The following ASIC1 variants were observed in gnomAD, a reference collection of about 807,000 sequenced individuals.
The protein encoded by ASIC1 is acid sensing ion channel subunit 1, also known as acid-sensing ion channel 1.
ASIC1 carries 21 observed loss-of-function variants against 63.4 expected under a neutral mutation model. The ratio of observed to expected loss-of-function variants is 0.33; its 90% confidence interval spans 0.23 to 0.48. ASIC1 has a LOEUF of 0.48. ASIC1 is among the 20% of genes least tolerant of loss of function. The pLI is 0.99. For missense variants in ASIC1, 478 were observed against 695.5 expected (o/e 0.69, Z 3.52); for synonymous variants, 258 against 278.2 (o/e 0.93, Z 0.72).
chr12:50,078,152 C>G lies in ASIC1; in HGVS notation c.837+25C>G, dbSNP rs769617269. 6 of 1,604,908 alleles carry G rather than the reference C, an allele frequency of 3.7e-6. No individual in the cohort carries two copies. The South Asian group carries it at 6.7e-5, about 18-fold the overall frequency. On this transcript the variant is annotated intron_variant, in intron 5 of 11. Coordinates refer to ENST00000447966, the MANE Select transcript of ASIC1 (RefSeq NM_001095.4). The surrounding 1 kb of genome is among the most constrained non-coding windows in gnomAD (Gnocchi z 6.0). ...GGTGAGAGGGCCATGGGAGGCTGGT[C>G]CTGGGGTGGGGTATTGAGGGGTCCA...
intron 3 of ASIC1, among the ~76,000 whole-genome samples, chr12:50,067,679 G>A (rs540675745): frequency 4.9e-4 from 75 of 152,120 alleles, no homozygotes; most frequent in African/African-American, 1.6e-3. Flanking sequence ...TCGGCCTCCC[G>A]GAGTGCTGGG....
intron 3 of ASIC1, among the ~76,000 whole-genome samples, chr12:50,061,734 G>C (rs1950502738): frequency 6.6e-6 from 1 of 152,214 alleles, no homozygotes; most frequent in Non-Finnish European, 1.5e-5. Flanking sequence ...GTATTCAGTT[G>C]AGGCTCCATC....
intron 8 of ASIC1, 28 bp from the exon 9 acceptor site, chr12:50,080,470 T>G: frequency 6.2e-7 from 1 of 1,607,604 alleles, no homozygotes; most frequent in Non-Finnish European, 8.5e-7. Context: ...GACTTGAACC[T>G]AGGTCTCCTC....
intron 3 of ASIC1, among the ~76,000 whole-genome samples, chr12:50,060,256 C>T (rs1950489199): frequency 6.6e-6 from 1 of 152,222 alleles, no homozygotes; most frequent in South Asian, 2.1e-4. Flanking sequence ...CCAAGCTTAC[C>T]TTCTAGGCCA....
At chr12:50,073,516 T>A (rs1216727994) in intron 3 of ASIC1, 1 of 1,442,916 alleles carries the variant, frequency 6.9e-7, no homozygotes, top group East Asian at 2.5e-5. Context: ...TGGAGTCACA[T>A]CGCCTTCCCC....
rs1367315846 is a variant in ASIC1 at position 50,059,978 on chromosome 12, G to A, written c.558+24G>A. 6.2e-7 allele frequency: 1 copy of A among 1,609,826 alleles called. No homozygotes were observed. Among genetic ancestry groups the A allele is most frequent in the Non-Finnish European group, 8.5e-7 (1 of 1,177,596 alleles). On this transcript the variant is annotated intron_variant, in intron 3 of 11. Transcript: ENST00000447966. This position sits in a 1 kb window ranked among gnomAD's most constrained non-coding sequence, Gnocchi z 4.6. ...TGGTGAGTCCCCTCGTGTGGGGTGT[G>A]AGTCAGCCTGGCCCACAGAGGAGGA...
intron 3 of ASIC1, among the ~76,000 whole-genome samples, chr12:50,069,921 C>T (rs953945472): frequency 2.0e-5 from 3 of 152,108 alleles, no homozygotes; most frequent in African/African-American, 7.2e-5. Context: ...CTCCCTAAGA[C>T]TTGAATAGGC....
Position 50,059,930 on chromosome 12 carries a change from C to G in ASIC1, c.534C>G (p.Val178=). 1 of 1,614,064 alleles carries G rather than the reference C, an allele frequency of 6.2e-7. No homozygotes were observed. Among genetic ancestry groups the G allele is most frequent in the Non-Finnish European group, 8.5e-7 (1 of 1,180,002 alleles). The change falls in exon 3 of 12, where the codon GTC becomes GTG. Residue 178 remains valine, a synonymous_variant. Transcript: ENST00000447966. This position sits in a 1 kb window ranked among gnomAD's most constrained non-coding sequence, Gnocchi z 4.6. The part of the protein sequence containing the change: ...MLLSCHFRGE[V]CSAEDFKVVF... ...TCTCCTGCCACTTCCGGGGGGAGGTCTGCAGCGCTGAAGACTTCAAGGTGG... is the reference window on the plus strand; with the variant it reads ...TCTCCTGCCACTTCCGGGGGGAGGTGTGCAGCGCTGAAGACTTCAAGGTGG...
Position 50,074,209 on chromosome 12 carries a change from C to T in ASIC1, c.559-3004C>T. 6.6e-7 allele frequency: 1 copy of T among 1,515,344 alleles called. No individual in the cohort carries two copies. The highest frequency in any genetic ancestry group is 1.2e-5 in the South Asian group (1 of 81,778). 93.9% of individuals were successfully genotyped at this position (1,515,344 alleles called of 1,614,324 possible). A position where few individuals can be genotyped will look rare whatever the true frequency, so the allele number is the denominator to read the frequency against. ...GGACATGCTGCTCTATTGCTCCTAC[C>T]AAGGGGGACCCTGCGGCCCTCACAA... On this transcript the variant is annotated intron_variant, in intron 3 of 11. Coordinates refer to ENST00000447966, the MANE Select transcript of ASIC1 (RefSeq NM_001095.4). The surrounding 1 kb of genome is among the most constrained non-coding windows in gnomAD (Gnocchi z 4.2).
intron 3 of ASIC1, among the ~76,000 whole-genome samples, chr12:50,064,412 A>G (rs927859624): frequency 6.6e-6 from 1 of 151,982 alleles, no homozygotes; most frequent in Non-Finnish European, 1.5e-5. Context: ...AGGTAGCCCA[A>G]TTTCCTCTCT....
chr12:50,062,909 G>A (rs1238941985), intron 3 of ASIC1, among the ~76,000 whole-genome samples: 9 of 152,184 alleles, frequency 5.9e-5, no homozygotes, highest in African/African-American at 1.9e-4. Context: ...GAGGGTGGGG[G>A]TGAATATGGG....
intron 3 of ASIC1, among the ~76,000 whole-genome samples, chr12:50,073,040 G>A (rs1275279287): frequency 6.6e-6 from 1 of 152,146 alleles, no homozygotes; most frequent in Non-Finnish European, 1.5e-5. Context: ...CCAGAATTGG[G>A]ATGGGGACAC....
chr12:50,072,908 G>A (rs925220654), intron 3 of ASIC1, among the ~76,000 whole-genome samples: 1 of 152,170 alleles, frequency 6.6e-6, no homozygotes, highest in African/African-American at 2.4e-5. Context: ...CAGGGAGGGA[G>A]GGGAAGAGAA....
At chr12:50,070,055 T>A (rs1420591041) in intron 3 of ASIC1, among the ~76,000 whole-genome samples, 2 of 151,984 alleles carry the variant, frequency 1.3e-5, no homozygotes, top group Non-Finnish European at 2.9e-5. Context: ...TACACAGACA[T>A]GAGGGGTGGC....
In ASIC1 at chr12:50,082,669, TG is replaced by T. The variant is rs1204231777; in HGVS notation, c.*1021del. 1 of 152,820 alleles carries T rather than the reference TG, an allele frequency of 6.5e-6. No homozygotes were observed. The highest frequency in any genetic ancestry group is 1.5e-5 in the Non-Finnish European group (1 of 68,146). 9.5% of individuals were successfully genotyped at this position (152,820 alleles called of 1,614,324 possible). ...CTCCCACCCCAAGTTCCACCTTCTA[TG>T]TTTCTACTCCCTCCCTGGTCTCTGA... On this transcript the variant is annotated 3_prime_UTR_variant, in exon 12 of 12. Transcript: ENST00000447966.
Position 50,073,456 on chromosome 12 carries a change from C to T in ASIC1, c.559-3757C>T. 4 of 1,423,320 alleles carry T rather than the reference C, an allele frequency of 2.8e-6. No individual in the cohort carries two copies. In the South Asian group the frequency reaches 4.7e-5, roughly 17 times the overall value. The allele number at this position is 1,423,320 out of a possible 1,614,324, so 88.2% of individuals were successfully genotyped here. On this transcript the variant is annotated intron_variant, in intron 3 of 11. Transcript: ENST00000447966. ...TGGTGAGGAAGGACGGCCAGCTGGG[C>T]TGAGATACCTGGCTGACGGGCTGGG...
rs1400330878 is a variant in ASIC1 at position 50,082,088 on chromosome 12, G to A, written c.*439G>A. The A allele has an allele frequency of 5.8e-6, 1 of 173,048 alleles. No individual in the cohort carries two copies. The highest frequency in any genetic ancestry group is 5.9e-5 in the Admixed American group (1 of 17,026). The allele number at this position is 173,048 out of a possible 1,614,324, so 10.7% of individuals were successfully genotyped here. On this transcript the variant is annotated 3_prime_UTR_variant, in exon 12 of 12. Transcript: ENST00000447966. ...ACCAGAGAATGTACCTTAAGGGGGA[G>A]GGCTAGTGTGGGGGAGGGAGGCTTC...
chr12:50,080,926 C>A, intron 9 of ASIC1, 176 bp from the exon 10 acceptor site: 2 of 830,134 alleles, frequency 2.4e-6, no homozygotes, highest in Non-Finnish European at 3.8e-6. Flanking sequence ...GGTAGAAAAA[C>A]GCAGAAAAGC....
At chr12:50,069,270 T>C (rs1385280800) in intron 3 of ASIC1, among the ~76,000 whole-genome samples, 2 of 140,568 alleles carry the variant, frequency 1.4e-5, no homozygotes, top group Non-Finnish European at 3.0e-5. Flanking sequence ...ATTTATTTAT[T>C]TATTTATTTA....
Sources: gnomAD v4.1 joint callset for allele counts (sites outside exome capture counted in the v4.1 genomes callset) on GRCh38, gnomAD v4.1.1 for gene constraint, Gnocchi (gnomAD v3.1) non-coding constraint, MANE v1.5 for transcripts, NCBI Gene and HGNC (gene_info 2026-07-23, HGNC 2026-07-21) for gene names.